CDH13: variants seen among roughly 807,000 people sequenced by gnomAD.
CDH13 encodes cadherin-13.
Under a neutral mutation model 63.8 loss-of-function variants are expected in CDH13, and 24 were observed. The ratio of observed to expected loss-of-function variants is 0.38; its 90% CI spans 0.27 to 0.53. The LOEUF (loss-of-function observed/expected upper bound fraction) is 0.53, where lower values mean the gene tolerates loss of function less well. CDH13 is among the 20% of genes least tolerant of loss of function. The pLI, the probability that CDH13 is intolerant of heterozygous loss-of-function variation, is 0.85. For synonymous variants in CDH13, 503 were observed against 355.3 expected (o/e 1.42, Z -4.67); for missense variants, 1,049 against 903.1 (o/e 1.16, Z -2.07).
chr16:83,239,109 A>T (rs752940248), intron 5 of CDH13, among the ~76,000 whole-genome samples: 9 of 152,206 alleles, frequency 5.9e-5, no homozygotes, highest in Non-Finnish European at 2.9e-5. Flanking sequence ...TACTCTAAAT[A>T]TAGCGCCTGT....
chr16:82,706,717 T>A (rs1365842873), intron 1 of CDH13, among the ~76,000 whole-genome samples: 2 of 151,652 alleles, frequency 1.3e-5, no homozygotes, highest in East Asian at 3.9e-4. Flanking sequence ...GAAAGGAGAA[T>A]TGGTTGAACC....
At chr16:83,766,012 G>C (rs1417200968) in intron 11 of CDH13, among the ~76,000 whole-genome samples, 1 of 152,184 alleles carries the variant, frequency 6.6e-6, no homozygotes, top group South Asian at 2.1e-4. Context: ...CCATGCTCAA[G>C]ATTGCTCATT....
intron 1 of CDH13, among the ~76,000 whole-genome samples, chr16:82,799,305 A>T (rs2036738937): frequency 6.6e-6 from 1 of 152,208 alleles, no homozygotes; most frequent in African/African-American, 2.4e-5. Context: ...TGGTCTTGAA[A>T]TATTGTATAC....
At chr16:82,701,941 T>C (rs1039195433) in intron 1 of CDH13, among the ~76,000 whole-genome samples, 1 of 152,112 alleles carries the variant, frequency 6.6e-6, no homozygotes, top group Admixed American at 6.6e-5. Context: ...TGGGTGCAGT[T>C]TCCCCGAGGA....
chr16:83,362,950 A>T lies in CDH13; in HGVS notation c.781+17944A>T, dbSNP rs544613803. Among the ~76,000 whole-genome samples the T allele has an allele frequency of 2.9e-3, 446 of 152,316 alleles. 2 individuals are homozygous for T. Among genetic ancestry groups the T allele is most frequent in the Non-Finnish European group, 4.8e-3 (327 of 68,036 alleles). On this transcript the variant is annotated intron_variant, in intron 6 of 13. Coordinates refer to ENST00000567109, the MANE Select transcript of CDH13 (RefSeq NM_001257.5). ...GCACGTTAAGAAGCTGCTCTAAGTC[A>T]TCCCTGTCCATGGGGTTTTTCCTTA...
intron 2 of CDH13, among the ~76,000 whole-genome samples, chr16:83,015,677 GTATATATATA>G (rs71148803): frequency 0.032 from 1,192 of 37,578 alleles, 36 homozygotes; most frequent in Middle Eastern, 0.13. Flanking sequence ...GTGTGTGTAT[GTATATATATA>G]TATATATATA....
intron 3 of CDH13, among the ~76,000 whole-genome samples, chr16:83,044,833 A>G (rs1917632399): frequency 6.6e-6 from 1 of 152,172 alleles, no homozygotes; most frequent in Admixed American, 6.5e-5. Flanking sequence ...TTAGCTCCCC[A>G]GCAGCTGCTC....
At chr16:83,436,785 G>T (rs79902789) in intron 6 of CDH13, among the ~76,000 whole-genome samples, 80 of 152,302 alleles carry the variant, frequency 5.3e-4, no homozygotes, top group African/African-American at 1.8e-3. Flanking sequence ...GGTTTTCAAG[G>T]TCTGCTGTGA....
chr16:82,640,225 C>T (rs1172819577), intron 1 of CDH13, among the ~76,000 whole-genome samples: 1 of 152,180 alleles, frequency 6.6e-6, no homozygotes, highest in Non-Finnish European at 1.5e-5. Context: ...ATTCTTTGTT[C>T]TGATGGAATG....
At chr16:82,668,455 G>A (rs1282817559) in intron 1 of CDH13, among the ~76,000 whole-genome samples, 1 of 152,148 alleles carries the variant, frequency 6.6e-6, no homozygotes, top group South Asian at 2.1e-4. Flanking sequence ...ACTGGTAAAG[G>A]GGGGACAGTT....
rs895680970 is a variant in CDH13, at chr16:83,170,164, C to T, written c.483+44663C>T. Among the ~76,000 whole-genome samples the T allele has an allele frequency of 4.6e-5, 7 of 152,236 alleles. No individual in the cohort carries two copies. The South Asian group carries it at 1.5e-3, about 32-fold the overall frequency. ...AAAAATGCCATACTGTTCCAACACT[C>T]ATAGTTTTATAATGTGTCTTAACAC... On this transcript the variant is annotated intron_variant, in intron 4 of 13. Transcript: ENST00000567109.
At chr16:83,740,722 G>T (rs2064128874) in intron 10 of CDH13, among the ~76,000 whole-genome samples, 1 of 152,136 alleles carries the variant, frequency 6.6e-6, no homozygotes, top group South Asian at 2.1e-4. Flanking sequence ...AAGAGCTCCT[G>T]CCCTGTTCTC....
chr16:82,956,583 G>T (rs1391422297), intron 2 of CDH13, among the ~76,000 whole-genome samples: 1 of 151,930 alleles, frequency 6.6e-6, no homozygotes, highest in Non-Finnish European at 1.5e-5. Flanking sequence ...CATTACCCCC[G>T]AGTTTAAGTC....
At chr16:82,827,842 G>C (rs1187695248) in intron 1 of CDH13, among the ~76,000 whole-genome samples, 3 of 152,276 alleles carry the variant, frequency 2.0e-5, no homozygotes, top group African/African-American at 7.2e-5. Context: ...GTCAGATGTG[G>C]TATGAGTATG....
intron 5 of CDH13, among the ~76,000 whole-genome samples, chr16:83,301,131 G>A (rs1471161220): frequency 6.9e-6 from 1 of 144,784 alleles, no homozygotes; most frequent in Non-Finnish European, 1.5e-5. Flanking sequence ...TCCGGGGTTC[G>A]AGCCATTCTC....
At chr16:83,228,750 C>G (rs2039918493) in intron 5 of CDH13, among the ~76,000 whole-genome samples, 1 of 152,168 alleles carries the variant, frequency 6.6e-6, no homozygotes, top group African/African-American at 2.4e-5. Flanking sequence ...AAAGGTGGGA[C>G]TCGCATGCTA....
At chr16:83,569,138 T>G (rs1048425239) in intron 7 of CDH13, among the ~76,000 whole-genome samples, 2 of 152,108 alleles carry the variant, frequency 1.3e-5, no homozygotes, top group Non-Finnish European at 2.9e-5. Flanking sequence ...ATGAGGACCT[T>G]GCCTGCCCTC....
chr16:83,378,016 G>A (rs184903402), intron 6 of CDH13, among the ~76,000 whole-genome samples: 50 of 152,296 alleles, frequency 3.3e-4, no homozygotes, highest in African/African-American at 1.1e-3. Flanking sequence ...AGAGAGCTGA[G>A]CAAGAGGAGG....
At chr16:82,999,761 G>C (rs970727386) in intron 2 of CDH13, among the ~76,000 whole-genome samples, 5 of 152,162 alleles carry the variant, frequency 3.3e-5, no homozygotes, top group Non-Finnish European at 1.5e-5. Flanking sequence ...CTGTCGTCCA[G>C]CACATATTTA....
Sources: gnomAD v4.1 joint callset for allele counts (sites outside exome capture counted in the v4.1 genomes callset) on GRCh38, gnomAD v4.1.1 for gene constraint, MANE v1.5 for transcripts, NCBI Gene and HGNC (gene_info 2026-07-23, HGNC 2026-07-21) for gene names.